The following SLC22A13 variants were observed in gnomAD, a reference collection of about 807,000 sequenced individuals.
SLC22A13 encodes the protein solute carrier family 22 member 13.
A neutral mutation model predicts 49.1 loss-of-function variants in SLC22A13; 42 were observed. The observed-to-expected ratio is 0.85, with a 90% CI of 0.67 to 1.11. The LOEUF is 1.11. Ranked by LOEUF, SLC22A13 falls within the 50% of genes least tolerant of loss-of-function variation. SLC22A13 has a pLI of 0.00. For synonymous variants in SLC22A13, 282 were observed against 293.1 expected (o/e 0.96, Z 0.39); for missense variants, 694 against 712.8 (o/e 0.97, Z 0.30).
intron 2 of SLC22A13, 76 bp downstream of exon 2, chr3:38,274,451 C>T (rs572228746): frequency 6.9e-7 from 1 of 1,445,108 alleles, no homozygotes; most frequent in South Asian, 1.1e-5. Flanking sequence ...CCCCTTATGC[C>T]CCTTACACTG....
At chr3:38,272,797 G>T (rs763630272) in intron 1 of SLC22A13, among the ~76,000 whole-genome samples, 2 of 152,196 alleles carry the variant, frequency 1.3e-5, no homozygotes, top group Non-Finnish European at 2.9e-5. Context: ...TTAACTGATG[G>T]TGATTGGTTA....
Position 38,274,745 on chromosome 3 carries a change from C to T in SLC22A13, c.624C>T (p.Ser208=). 6.2e-7 allele frequency: 1 copy of T among 1,613,774 alleles called. No individual in the cohort carries two copies. Among genetic ancestry groups the T allele is most frequent in the Non-Finnish European group, 8.5e-7 (1 of 1,179,814 alleles). ...VATAVAGLSF[S]NVTLLTEWVG... ...CTGCCGTCGCTGGACTTAGCTTCAG[C>T]AATGTCACCCTACGTGAGTGTCTGG... Residue 208 remains serine, a synonymous_variant, in exon 3 of 10, where the codon AGC becomes AGT. Coordinates refer to ENST00000311856, the MANE Select transcript of SLC22A13 (RefSeq NM_004256.4).
Position 38,275,121 on chromosome 3 carries a change from G to T in SLC22A13, c.770G>T (p.Gly257Val). ...AACTGGAGGCTCCTTCAGATCACCG[G>T]CACTGCGCCTGGCTTACTGCTCTTC... is the stretch of plus-strand genomic sequence containing the variant. ...FRNWRLLQITGTAPGLLLFFY... is the reference protein window; with the variant it reads ...FRNWRLLQITVTAPGLLLFFY... The change falls in exon 4 of 10, where the codon GGC becomes GTC. Residue 257 changes from glycine (G) to valine (V), a missense_variant. Physicochemically the swap from Gly to Val is moderately radical, Grantham distance 109. Transcript: ENST00000311856. 1 of 1,614,228 alleles carries T rather than the reference G, an allele frequency of 6.2e-7. No individual in the cohort carries two copies. Among genetic ancestry groups the T allele is most frequent in the Non-Finnish European group, 8.5e-7 (1 of 1,180,046 alleles).
rs1197629392 is a variant in SLC22A13, at chr3:38,275,968, G to A, written c.1109G>A (p.Gly370Glu). The A allele has an allele frequency of 1.9e-6, 3 of 1,614,230 alleles. No homozygotes were observed. The highest frequency in any genetic ancestry group is 1.7e-4 in the Middle Eastern group (1 of 6,058). ...LDVYLTQLIFGAVEVPARCSS... is the reference protein window; with the variant it reads ...LDVYLTQLIFEAVEVPARCSS... ...GTCTATCTGACGCAGCTCATCTTTG[G>A]AGCTGTTGAGGTGCCTGCCCGCTGT... The change falls in exon 7 of 10, where the codon GGA becomes GAA. Residue 370 changes from glycine to glutamate, a missense_variant. By Grantham distance (98) the Gly-to-Glu change is moderately conservative. Coordinates refer to ENST00000311856, the MANE Select transcript of SLC22A13 (RefSeq NM_004256.4).
In SLC22A13 at chr3:38,275,959, T is replaced by G; in HGVS notation, c.1100T>G (p.Leu367Arg). 6.2e-7 allele frequency: 1 copy of G among 1,614,240 alleles called. No individual in the cohort carries two copies. The highest frequency in any genetic ancestry group is 8.5e-7 in the Non-Finnish European group (1 of 1,180,042). The change falls in exon 7 of 10, where the codon CTC (leucine) becomes CGC (arginine). Residue 367 changes from leucine (L) to arginine (R), a missense_variant. Leu to Arg is a moderately radical substitution (Grantham distance 102). Coordinates refer to ENST00000311856, the MANE Select transcript of SLC22A13 (RefSeq NM_004256.4). ...DFGLDVYLTQ[L>R]IFGAVEVPAR... The stretch of plus-strand genomic sequence containing the variant: ...GGCCTGGACGTCTATCTGACGCAGC[T>G]CATCTTTGGAGCTGTTGAGGTGCCT...
chr3:38,269,706 T>G lies in SLC22A13; in HGVS notation c.378+3468T>G, dbSNP rs568141311. Among the ~76,000 whole-genome samples the G allele has an allele frequency of 4.4e-3, 676 of 152,270 alleles. 3 individuals carry two copies. The highest frequency in any genetic ancestry group is 7.5e-3 in the South Asian group (36 of 4,820). On this transcript the variant is annotated intron_variant, in intron 1 of 9. Coordinates refer to ENST00000311856, the MANE Select transcript of SLC22A13 (RefSeq NM_004256.4). ...TCTGGAGGCTTGGTTAACAGCATTC[T>G]TTTTTTATTTTATTTTATTATTATT...
chr3:38,276,531 C>T, intron 8 of SLC22A13, 136 bp downstream of exon 8: 1 of 654,180 alleles, frequency 1.5e-6, no homozygotes, highest in Non-Finnish European at 2.6e-6. Context: ...GGGTCCAGGA[C>T]AACTAGAAAT....
At chr3:38,269,879 C>T (rs1310209380) in intron 1 of SLC22A13, among the ~76,000 whole-genome samples, 1 of 124,490 alleles carries the variant, frequency 8.0e-6, no homozygotes, top group African/African-American at 3.0e-5. Flanking sequence ...CCCCCCACCC[C>T]ACAACAGTCC....
At chr3:38,274,919 G>T in intron 3 of SLC22A13, 70 bp from the exon 4 acceptor site, 2 of 1,585,198 alleles carry the variant, frequency 1.3e-6, no homozygotes, top group East Asian at 4.5e-5. Flanking sequence ...GCCCCCACAG[G>T]GTGGCATCTA....
At chr3:38,276,627 G>A (rs143058052) in intron 8 of SLC22A13, among the ~76,000 whole-genome samples, 1 of 152,310 alleles carries the variant, frequency 6.6e-6, no homozygotes, top group African/African-American at 2.4e-5. Flanking sequence ...ACAGGAATAT[G>A]GGACACATCT....
chr3:38,270,881 A>G (rs3805040), intron 1 of SLC22A13: 16,998 of 152,326 alleles, frequency 0.11, 1,890 homozygotes, highest in African/African-American at 0.29. Flanking sequence ...CTGGCATTGC[A>G]GTTGGAACTT....
intron 1 of SLC22A13, among the ~76,000 whole-genome samples, chr3:38,269,230 G>A (rs1280220403): frequency 6.6e-6 from 1 of 152,042 alleles, no homozygotes; most frequent in East Asian, 1.9e-4. Context: ...GTAGGATTAG[G>A]CATTTGTCAT....
chr3:38,276,705 CTGAGACT>C (rs1703588432), intron 8 of SLC22A13, among the ~76,000 whole-genome samples, 200 bp from the exon 9 acceptor site: 1 of 152,088 alleles, frequency 6.6e-6, no homozygotes, highest in Non-Finnish European at 1.5e-5. Context: ...AGCCTCTGAC[CTGAGACT>C]TGACAGGCGA....
rs962467727 is a variant in SLC22A13 at position 38,277,267 on chromosome 3, G to A, written c.1563-105G>A. The A allele has an allele frequency of 8.8e-6, 10 of 1,134,776 alleles. No homozygotes were observed. In the Admixed American group the frequency reaches 1.2e-4, roughly 13 times the overall value. The allele number at this position is 1,134,776 out of a possible 1,614,324, so 70.3% of individuals were successfully genotyped here. A position where few individuals can be genotyped will look rare whatever the true frequency, so the allele number is the denominator to read the frequency against. Reference sequence around the variant, plus strand: ...GGTCCTCCAGAACCACAGACATCTGGCTGGCTTTAGTTCAGATTCCCCTTA... The same window carrying A: ...GGTCCTCCAGAACCACAGACATCTGACTGGCTTTAGTTCAGATTCCCCTTA... On this transcript the variant is annotated intron_variant, in intron 9 of 9. Coordinates refer to ENST00000311856, the MANE Select transcript of SLC22A13 (RefSeq NM_004256.4).
intron 1 of SLC22A13, among the ~76,000 whole-genome samples, chr3:38,271,401 C>CA (rs1042371752): frequency 3.4e-4 from 51 of 151,730 alleles, no homozygotes; most frequent in African/African-American, 8.9e-4. Context: ...CTCATCTCTA[C>CA]AAAAAAATAA....
At chr3:38,271,762 G>A (rs1258213127) in intron 1 of SLC22A13, among the ~76,000 whole-genome samples, 4 of 152,186 alleles carry the variant, frequency 2.6e-5, no homozygotes, top group African/African-American at 4.8e-5. Context: ...CATGGCAAAA[G>A]AGACTGGGAA....
rs1447094324 is a variant in SLC22A13, at chr3:38,277,993, C to T, written c.*528C>T. ...GGATGGACCAGATTCCTCTGGCTAA[C>T]GTATGGCCCCATAGGTCACTGGGTC... On this transcript the variant is annotated 3_prime_UTR_variant, in exon 10 of 10. Coordinates refer to ENST00000311856, the MANE Select transcript of SLC22A13 (RefSeq NM_004256.4). 2 of 152,668 alleles carry T rather than the reference C, an allele frequency of 1.3e-5. No homozygotes were observed. Among genetic ancestry groups the T allele is most frequent in the East Asian group, 1.9e-4 (1 of 5,196 alleles). The allele number at this position is 152,668 out of a possible 1,614,324, so 9.5% of individuals were successfully genotyped here.
At chr3:38,268,383 G>A (rs933961372) in intron 1 of SLC22A13, among the ~76,000 whole-genome samples, 6 of 152,068 alleles carry the variant, frequency 3.9e-5, no homozygotes, top group African/African-American at 1.4e-4. Flanking sequence ...CTTGAAAGAG[G>A]GTGTTATCAT....
In SLC22A13 at chr3:38,277,623, A is replaced by T; in HGVS notation, c.*158A>T. 3 of 556,140 alleles carry T rather than the reference A, an allele frequency of 5.4e-6. No individual in the cohort carries two copies. The South Asian group carries it at 7.4e-5, about 14-fold the overall frequency. 34.5% of individuals were successfully genotyped at this position (556,140 alleles called of 1,614,324 possible). A position where few individuals can be genotyped will look rare whatever the true frequency, so the allele number is the denominator to read the frequency against. ...ATGGCTGTCACCTCCTGCCGAGTCC[A>T]ATCCCAGACTGGGAACCACCATCTG... On this transcript the variant is annotated 3_prime_UTR_variant, in exon 10 of 10. Coordinates refer to ENST00000311856, the MANE Select transcript of SLC22A13 (RefSeq NM_004256.4).
Sources: gnomAD v4.1 joint callset for allele counts (sites outside exome capture counted in the v4.1 genomes callset) on GRCh38, gnomAD v4.1.1 for gene constraint, MANE v1.5 for transcripts, NCBI Gene and HGNC (gene_info 2026-07-23, HGNC 2026-07-21) for gene names.